Variants in KCNT2 observed in about 807,000 individuals in gnomAD.
KCNT2 encodes potassium sodium-activated channel subfamily T member 2.
KCNT2 carries 67 observed loss-of-function variants against 153.8 expected under a neutral mutation model. That is an observed-to-expected ratio of 0.44 (90% confidence interval 0.36 to 0.53). The LOEUF (loss-of-function observed/expected upper bound fraction) is 0.53. KCNT2 is among the 20% of genes least tolerant of loss of function. The probability of loss-of-function intolerance (pLI) is 0.00; values close to 1 mark genes in which losing one functional copy is unlikely to be tolerated. For missense variants in KCNT2, 975 were observed against 1,354.8 expected (o/e 0.72, Z 4.40); for synonymous variants, 500 against 458.8 (o/e 1.09, Z -1.15).
chr1:196,408,871 A>G (rs1672051822), intron 12 of KCNT2, among the ~76,000 whole-genome samples: 1 of 151,554 alleles, frequency 6.6e-6, no homozygotes, highest in African/African-American at 2.4e-5. Context: ...CCATATGTCA[A>G]TTAGATCAAG....
rs1021339031 is a variant in KCNT2 at position 196,391,164 on chromosome 1, G to A, written c.1294+7399C>T. Among the ~76,000 whole-genome samples, 6 of 151,048 alleles carry A rather than the reference G, an allele frequency of 4.0e-5. No homozygotes were observed. In the South Asian group the frequency reaches 8.3e-4, roughly 21 times the overall value. Reference sequence around the variant, plus strand: ...GTAGTAAGGATAAGCTCATTGGAGTGGTATTCTTGGGAAGTATATAAAAGT... The same window carrying A: ...GTAGTAAGGATAAGCTCATTGGAGTAGTATTCTTGGGAAGTATATAAAAGT... On this transcript the variant is annotated intron_variant, in intron 13 of 27. Coordinates refer to ENST00000294725, the MANE Select transcript of KCNT2 (RefSeq NM_198503.5).
At chr1:196,372,475 T>G (rs75888531) in intron 14 of KCNT2, among the ~76,000 whole-genome samples, 149 of 152,006 alleles carry the variant, frequency 9.8e-4, no homozygotes, top group African/African-American at 3.5e-3. Context: ...TCTCTTTAAA[T>G]AAGAGCAATG....
intron 1 of KCNT2, among the ~76,000 whole-genome samples, chr1:196,537,142 G>T (rs1655692836): frequency 6.6e-6 from 1 of 152,162 alleles, no homozygotes; most frequent in Admixed American, 6.5e-5. Flanking sequence ...CTGCTAGAAA[G>T]GTTGTCTCAG....
intron 1 of KCNT2, among the ~76,000 whole-genome samples, chr1:196,590,534 C>T (rs1663218080): frequency 6.6e-6 from 1 of 152,126 alleles, no homozygotes; most frequent in Admixed American, 6.6e-5. Flanking sequence ...CCTCCCAGAC[C>T]CTGGCACTAG....
At chr1:196,344,658 A>G (rs1249336243) in intron 14 of KCNT2, among the ~76,000 whole-genome samples, 2 of 152,164 alleles carry the variant, frequency 1.3e-5, no homozygotes, top group Non-Finnish European at 2.9e-5. Flanking sequence ...TTGTCATGCA[A>G]GGGTACTAAA....
chr1:196,484,162 T>A (rs1679230664), intron 3 of KCNT2, among the ~76,000 whole-genome samples: 1 of 152,050 alleles, frequency 6.6e-6, no homozygotes, highest in Non-Finnish European at 1.5e-5. Flanking sequence ...TCAAAGAAAA[T>A]TGGTAATTAA....
chr1:196,281,052 T>C, intron 24 of KCNT2, 64 bp from the exon 25 acceptor site: 1 of 1,278,622 alleles, frequency 7.8e-7, no homozygotes, highest in Non-Finnish European at 1.1e-6. Flanking sequence ...GTGGTAACTT[T>C]ACATTTCTTT....
chr1:196,337,065 A>ATC (rs927160410), intron 16 of KCNT2, among the ~76,000 whole-genome samples: 4 of 151,436 alleles, frequency 2.6e-5, no homozygotes, highest in South Asian at 2.1e-4. Context: ...TTTTCAGCCT[A>ATC]TCTCTCTCTC....
At chr1:196,257,975 G>C in intron 26 of KCNT2, 1 of 1,325,920 alleles carries the variant, frequency 7.5e-7, no homozygotes, top group Non-Finnish European at 9.7e-7. Context: ...AATGGGTTTA[G>C]CACAGTACCT....
chr1:196,275,989 A>AT (rs1228245994), intron 25 of KCNT2, among the ~76,000 whole-genome samples: 1 of 151,986 alleles, frequency 6.6e-6, no homozygotes, highest in African/African-American at 2.4e-5. Context: ...ATATCTCTTA[A>AT]TTCCCTCTCA....
intron 8 of KCNT2, among the ~76,000 whole-genome samples, chr1:196,440,573 T>C (rs1043242989): frequency 2.0e-5 from 3 of 151,996 alleles, no homozygotes; most frequent in Non-Finnish European, 2.9e-5. Flanking sequence ...GTCTTAGTAA[T>C]TAAGAATCAC....
At chr1:196,491,237 T>C (rs1247156873) in intron 2 of KCNT2, among the ~76,000 whole-genome samples, 1 of 152,010 alleles carries the variant, frequency 6.6e-6, no homozygotes, top group Non-Finnish European at 1.5e-5. Flanking sequence ...GTAATATCTA[T>C]TTATGGGGCT....
chr1:196,319,856 T>C (rs950997207), intron 19 of KCNT2, among the ~76,000 whole-genome samples: 5 of 151,772 alleles, frequency 3.3e-5, no homozygotes, highest in African/African-American at 4.8e-5. Flanking sequence ...CAAGAAATCT[T>C]ATAAATAAAT....
At chr1:196,262,644 TAAAG>T (rs749011104) in intron 25 of KCNT2, among the ~76,000 whole-genome samples, 25 of 152,014 alleles carry the variant, frequency 1.6e-4, no homozygotes, top group Non-Finnish European at 2.9e-4. Context: ...AAAAAAAATC[TAAAG>T]AAAGATGTTT....
At chr1:196,243,285 T>A (rs536612442) in intron 26 of KCNT2, among the ~76,000 whole-genome samples, 1 of 152,048 alleles carries the variant, frequency 6.6e-6, no homozygotes, top group East Asian at 1.9e-4. Context: ...ACAGAGGAGG[T>A]GAAGCAAGAT....
At chr1:196,263,505 A>G (rs1354255440) in intron 25 of KCNT2, among the ~76,000 whole-genome samples, 1 of 152,038 alleles carries the variant, frequency 6.6e-6, no homozygotes, top group Non-Finnish European at 1.5e-5. Flanking sequence ...GGGCTAGGGG[A>G]GGGATAGCAT....
intron 16 of KCNT2, among the ~76,000 whole-genome samples, chr1:196,338,773 C>G (rs1283346334): frequency 6.6e-6 from 1 of 151,588 alleles, no homozygotes; most frequent in African/African-American, 2.4e-5. Flanking sequence ...GATGGAGGCA[C>G]AGACCACGAT....
At chr1:196,592,188 A>T (rs915805350) in intron 1 of KCNT2, among the ~76,000 whole-genome samples, 41 of 152,228 alleles carry the variant, frequency 2.7e-4, no homozygotes, top group Middle Eastern at 6.8e-3. Context: ...AGCCATAAAA[A>T]AAAATGAGAT....
At chr1:196,493,997 G>A (rs1680057129) in intron 1 of KCNT2, among the ~76,000 whole-genome samples, 1 of 152,104 alleles carries the variant, frequency 6.6e-6, no homozygotes, top group Non-Finnish European at 1.5e-5. Context: ...CACTAAAATG[G>A]CAATGATATC....
Sources: allele counts gnomAD v4.1 joint callset (sites outside exome capture counted in the v4.1 genomes callset), GRCh38; gene constraint gnomAD v4.1.1; transcripts MANE v1.5; gene names NCBI Gene and HGNC (gene_info 2026-07-23, HGNC 2026-07-21).